Variants in VRK1 observed in about 807,000 individuals in gnomAD.
VRK1 encodes the protein serine/threonine-protein kinase VRK1.
A neutral mutation model predicts 57.1 loss-of-function variants in VRK1; 33 were observed. That is an observed-to-expected ratio of 0.58 (90% CI 0.44 to 0.77). VRK1 has a LOEUF of 0.77. Among genes scored for constraint, VRK1 ranks in the 30% least tolerant of loss-of-function variants. VRK1 has a pLI of 0.00. For synonymous variants in VRK1, 137 were observed against 147.8 expected, an observed-to-expected ratio of 0.93 and a Z score of 0.53; for missense variants, 413 against 477.3, an observed-to-expected ratio of 0.87 and a Z score of 1.25.
intron 10 of VRK1, among the ~76,000 whole-genome samples, chr14:96,856,935 A>T (rs147240866): frequency 0.01 from 1,540 of 152,176 alleles, 13 homozygotes; most frequent in Middle Eastern, 0.065. Flanking sequence ...GCCACTGCAC[A>T]CCAGCCTGGG....
Position 96,847,298 on chromosome 14 carries a change from G to A in VRK1, c.328G>A (p.Val110Ile). 1 of 1,613,742 alleles carries A rather than the reference G, an allele frequency of 6.2e-7. No homozygotes were observed. Among genetic ancestry groups the A allele is most frequent in the Non-Finnish European group, 8.5e-7 (1 of 1,179,726 alleles). ...TACCCGTAAGCTGAAGTACCTGGGT[G>A]TTCCTAAGTATTGGGGGTCTGGTCT... is the stretch of plus-strand genomic sequence containing the variant. Reference protein sequence around the residue: ...IRTRKLKYLGVPKYWGSGLHD... With the variant: ...IRTRKLKYLGIPKYWGSGLHD... The change falls in exon 5 of 13, where the codon GTT becomes ATT. Residue 110 changes from valine (V) to isoleucine (I), a missense_variant. Around this residue, in one of 3 missense-constraint regions of VRK1, gnomAD observed 151 missense variants for 225.5 expected, o/e 0.67. Transcript: ENST00000216639.
intron 1 of VRK1, among the ~76,000 whole-genome samples, chr14:96,804,236 A>G (rs561377675): frequency 6.6e-6 from 1 of 152,156 alleles, no homozygotes. Flanking sequence ...CCTTTTGTCC[A>G]TGGATGTCCA....
At chr14:96,861,977 T>C (rs954818611) in intron 11 of VRK1, among the ~76,000 whole-genome samples, 18 of 152,216 alleles carry the variant, frequency 1.2e-4, no homozygotes, top group African/African-American at 4.3e-4. Context: ...TTAATATTTA[T>C]AGGTAGCTTG....
intron 1 of VRK1, among the ~76,000 whole-genome samples, chr14:96,808,019 G>GTCTCTCTCTCTCTCTCTCTC (rs1566683621): frequency 8.8e-5 from 3 of 34,278 alleles, no homozygotes; most frequent in South Asian, 2.3e-3. Context: ...CTCTCCCTCT[G>GTCTCTCTCTCTCTCTCTCTC]TGTGTGTGTG....
intron 11 of VRK1, among the ~76,000 whole-genome samples, chr14:96,868,760 A>G (rs1888684848): frequency 6.6e-6 from 1 of 150,648 alleles, no homozygotes; most frequent in Middle Eastern, 3.2e-3. Context: ...TATTTTTCTG[A>G]TATAATGGCC....
At chr14:96,834,286 TCTCA>T (rs1177416063) in intron 2 of VRK1, among the ~76,000 whole-genome samples, 1 of 152,198 alleles carries the variant, frequency 6.6e-6, no homozygotes, top group Non-Finnish European at 1.5e-5. Flanking sequence ...CATTCTGTGT[TCTCA>T]CTCTACTTCC....
intron 11 of VRK1, 55 bp from the exon 12 acceptor site, chr14:96,875,975 G>A: frequency 1.9e-6 from 3 of 1,563,554 alleles, no homozygotes; most frequent in Middle Eastern, 1.7e-4. Flanking sequence ...TGATGAGTTT[G>A]TAGTTTACTT....
intron 1 of VRK1, among the ~76,000 whole-genome samples, chr14:96,806,437 C>G (rs1425660008): frequency 2.0e-5 from 3 of 152,190 alleles, no homozygotes; most frequent in Admixed American, 6.5e-5. Flanking sequence ...AGACATTGTC[C>G]TGATACTTGT....
Position 96,855,305 on chromosome 14 carries a change from T to C in VRK1, c.658T>C (p.Cys220Arg). 6.2e-7 allele frequency: 1 copy of C among 1,614,086 alleles called. No homozygotes were observed. Among genetic ancestry groups the C allele is most frequent in the South Asian group, 1.1e-5 (1 of 91,086 alleles). ...HKEYKEDPKR[C>R]HDGTIEFTSI... ...AGAATACAAAGAAGACCCCAAAAGATGTCACGATGGCACTATTGAATTCAC... is the reference window on the plus strand; with the variant it reads ...AGAATACAAAGAAGACCCCAAAAGACGTCACGATGGCACTATTGAATTCAC... The change falls in exon 8 of 13, where the codon TGT becomes CGT. Residue 220 changes from cysteine to arginine, a missense_variant. Around this residue, in one of 3 missense-constraint regions of VRK1, gnomAD observed 151 missense variants for 225.5 expected, o/e 0.67. Transcript: ENST00000216639.
chr14:96,861,011 C>A (rs1473548335), intron 11 of VRK1: 2 of 258,184 alleles, frequency 7.7e-6, no homozygotes, highest in Non-Finnish European at 1.5e-5. Flanking sequence ...GCACTGAATT[C>A]ATAATTTATA....
intron 1 of VRK1, among the ~76,000 whole-genome samples, chr14:96,802,803 C>T (rs542756503): frequency 6.6e-6 from 1 of 152,322 alleles, no homozygotes; most frequent in South Asian, 2.1e-4. Flanking sequence ...GGCTGTATCA[C>T]ATTTAACCAT....
At position 96,860,812 on chromosome 14, in the gene VRK1, G is replaced by A. The variant is rs1451018125; in HGVS notation, c.1068+77G>A. ...ATAAATACTAAAAGAAAGTATAGCAGTAGTTCAATGAAGAACAATAACAGA... is the reference window on the plus strand; with the variant it reads ...ATAAATACTAAAAGAAAGTATAGCAATAGTTCAATGAAGAACAATAACAGA... On this transcript the variant is annotated intron_variant, in intron 11 of 12. Coordinates refer to ENST00000216639, the MANE Select transcript of VRK1 (RefSeq NM_003384.3). 2.7e-6 allele frequency: 4 copies of A among 1,495,438 alleles called. No individual in the cohort carries two copies. In the Admixed American group the frequency reaches 5.4e-5, roughly 20 times the overall value. 92.6% of individuals were successfully genotyped at this position (1,495,438 alleles called of 1,614,324 possible).
intron 1 of VRK1, among the ~76,000 whole-genome samples, chr14:96,808,252 G>A (rs547522122): frequency 4.6e-5 from 7 of 152,136 alleles, no homozygotes; most frequent in African/African-American, 1.7e-4. Context: ...AAAATGAATA[G>A]GACATGGTCC....
chr14:96,880,933 A>G (rs1013812831), intron 12 of VRK1, among the ~76,000 whole-genome samples: 2 of 152,212 alleles, frequency 1.3e-5, no homozygotes, highest in Admixed American at 6.5e-5. Flanking sequence ...GTATTTTTAT[A>G]TGGCTTAAGA....
At chr14:96,856,774 C>G (rs1888173801) in intron 10 of VRK1, among the ~76,000 whole-genome samples, 188 bp downstream of exon 10, 1 of 152,124 alleles carries the variant, frequency 6.6e-6, no homozygotes, top group African/African-American at 2.4e-5. Flanking sequence ...CAAGACCATC[C>G]TGGCTAACAT....
chr14:96,856,688 GC>G, intron 10 of VRK1, 102 bp downstream of exon 10: 1 of 1,044,332 alleles, frequency 9.6e-7, no homozygotes, highest in Non-Finnish European at 1.5e-6. Flanking sequence ...TTAGGTGGTG[GC>G]CAGGCATGGT....
Position 96,855,989 on chromosome 14 carries a change from C to G in VRK1, c.710-141C>G, listed in dbSNP as rs890331517. Reference sequence around the variant, plus strand: ...TTTTATACTGTCCAATGTTCAGTACCTAGGTGAAATGCAGTCAAAATTTTA... The same window carrying G: ...TTTTATACTGTCCAATGTTCAGTACGTAGGTGAAATGCAGTCAAAATTTTA... On this transcript the variant is annotated intron_variant, in intron 8 of 12. Transcript: ENST00000216639. 5.3e-6 allele frequency: 5 copies of G among 939,632 alleles called. No homozygotes were observed. The East Asian group carries it at 8.3e-5, about 16-fold the overall frequency. The allele number at this position is 939,632 out of a possible 1,614,324, so 58.2% of individuals were successfully genotyped here. A position where few individuals can be genotyped will look rare whatever the true frequency, so the allele number is the denominator to read the frequency against.
intron 3 of VRK1, among the ~76,000 whole-genome samples, chr14:96,844,251 A>G (rs1481767810): frequency 6.6e-6 from 1 of 152,214 alleles, no homozygotes; most frequent in Non-Finnish European, 1.5e-5. Flanking sequence ...GCTGCTAGGA[A>G]AGGAGCCATA....
At chr14:96,808,020 T>TCTCTCTCTCCCC (rs1566683624) in intron 1 of VRK1, among the ~76,000 whole-genome samples, 3 of 31,816 alleles carry the variant, frequency 9.4e-5, no homozygotes, top group African/African-American at 2.9e-4. Context: ...TCTCCCTCTG[T>TCTCTCTCTCCCC]GTGTGTGTGT....
Sources: allele counts gnomAD v4.1 joint callset (sites outside exome capture counted in the v4.1 genomes callset), GRCh38; gene constraint gnomAD v4.1.1; regional missense constraint gnomAD v4.1.1; transcripts MANE v1.5; gene names NCBI Gene and HGNC (gene_info 2026-07-23, HGNC 2026-07-21).